The following SORCS2 variants were observed in gnomAD, a reference collection of about 807,000 sequenced individuals.
The protein encoded by SORCS2 is sortilin related VPS10 domain containing receptor 2, also known as VPS10 domain-containing receptor SorCS2.
In SORCS2, 100 loss-of-function variants were observed where a neutral mutation model predicts 141.6. The observed-to-expected ratio is 0.71, with a 90% CI of 0.60 to 0.83. SORCS2 has a LOEUF of 0.83. SORCS2 is among the 40% of genes least tolerant of loss of function. SORCS2 has a pLI of 0.00. For missense variants in SORCS2, 1,646 were observed against 1,560.2 expected, an observed-to-expected ratio of 1.05 and a Z score of -0.93; for synonymous variants, 789 against 676.9, an observed-to-expected ratio of 1.17 and a Z score of -2.57.
chr4:7,329,002 A>C (rs1347620595), intron 1 of SORCS2, among the ~76,000 whole-genome samples: 1 of 152,154 alleles, frequency 6.6e-6, no homozygotes, highest in Non-Finnish European at 1.5e-5. Context: ...TGGCCCCCCG[A>C]GGCCAGGCCC....
chr4:7,289,007 A>G (rs561167895), intron 1 of SORCS2, among the ~76,000 whole-genome samples: 1 of 151,636 alleles, frequency 6.6e-6, no homozygotes, highest in South Asian at 2.1e-4. Context: ...CCTGGGTCAC[A>G]GTCTTCTAGG....
intron 3 of SORCS2, among the ~76,000 whole-genome samples, chr4:7,534,184 A>G (rs918533806): frequency 6.6e-6 from 1 of 152,232 alleles, no homozygotes; most frequent in African/African-American, 2.4e-5. Flanking sequence ...TGAGTGAATG[A>G]ATGAGTGTCA....
intron 3 of SORCS2, among the ~76,000 whole-genome samples, chr4:7,585,162 C>G (rs1299210019): frequency 6.6e-6 from 1 of 152,174 alleles, no homozygotes; most frequent in Non-Finnish European, 1.5e-5. Flanking sequence ...CTCTCTGGGA[C>G]TTATTTTCTT....
intron 1 of SORCS2, among the ~76,000 whole-genome samples, chr4:7,289,321 G>T (rs906264560): frequency 6.6e-6 from 1 of 152,126 alleles, no homozygotes; most frequent in Admixed American, 6.5e-5. Context: ...CCTCCTCCAG[G>T]AAGCCTTCCT....
At chr4:7,635,392 A>G (rs531599152) in intron 3 of SORCS2, among the ~76,000 whole-genome samples, 3 of 152,298 alleles carry the variant, frequency 2.0e-5, no homozygotes, top group South Asian at 2.1e-4. Flanking sequence ...AAACTATTCT[A>G]TCAAAGTAAA....
intron 2 of SORCS2, among the ~76,000 whole-genome samples, chr4:7,461,936 G>C (rs978401393): frequency 7.5e-6 from 1 of 132,466 alleles, no homozygotes; most frequent in African/African-American, 2.9e-5. Flanking sequence ...TGTCCTGCAG[G>C]CTTCAGTGCC....
At chr4:7,222,753 A>G (rs10010661) in intron 1 of SORCS2, among the ~76,000 whole-genome samples, 124,874 of 152,008 alleles carry the variant, frequency 0.82, 51,512 homozygotes, top group African/African-American at 0.9. Flanking sequence ...GGGCAGGTGT[A>G]GGGAGGGCTG....
chr4:7,419,792 C>A (rs1452908128), intron 2 of SORCS2, among the ~76,000 whole-genome samples: 1 of 152,196 alleles, frequency 6.6e-6, no homozygotes, highest in African/African-American at 2.4e-5. Context: ...GAAGCCAGAT[C>A]TCTGGATCTA....
chr4:7,225,649 GAC>G (rs1266254452), intron 1 of SORCS2, among the ~76,000 whole-genome samples: 6 of 152,174 alleles, frequency 3.9e-5, no homozygotes, highest in African/African-American at 1.4e-4. Flanking sequence ...GTTGCTGCTA[GAC>G]TGGGCTGGAG....
At chr4:7,729,774 T>G (rs1156284893) in intron 23 of SORCS2, 62 bp downstream of exon 23, 10 of 1,565,726 alleles carry the variant, frequency 6.4e-6, no homozygotes, top group African/African-American at 1.4e-5. Context: ...TCGGGTCATT[T>G]ACAACAAGCA....
intron 3 of SORCS2, among the ~76,000 whole-genome samples, chr4:7,542,650 C>T (rs910551775): frequency 1.3e-5 from 2 of 152,252 alleles, no homozygotes; most frequent in Non-Finnish European, 2.9e-5. Context: ...TGAGAGGACA[C>T]ATTTCCACTG....
At chr4:7,381,831 C>A (rs759190258) in intron 1 of SORCS2, 1 of 890,010 alleles carries the variant, frequency 1.1e-6, no homozygotes, top group Non-Finnish European at 1.3e-6. Context: ...TGCCAGGAGC[C>A]AGGGCCAGAG....
In SORCS2 at chr4:7,330,849, C is replaced by T. The variant is rs553845589; in HGVS notation, c.481-65439C>T. ...CCTAGGCACACCCCCAACACCTCTCCCACCACGTGTGTTCCACAGACGTGG... is the reference window on the plus strand; with the variant it reads ...CCTAGGCACACCCCCAACACCTCTCTCACCACGTGTGTTCCACAGACGTGG... On this transcript the variant is annotated intron_variant, in intron 1 of 26. Transcript: ENST00000507866. Among the ~76,000 whole-genome samples, 3 of 152,178 alleles carry T rather than the reference C, an allele frequency of 2.0e-5. No individual in the cohort carries two copies. In the South Asian group the frequency reaches 6.2e-4, roughly 32 times the overall value.
intron 3 of SORCS2, among the ~76,000 whole-genome samples, chr4:7,596,085 C>A (rs1172054560): frequency 6.6e-6 from 1 of 152,240 alleles, no homozygotes; most frequent in Admixed American, 6.5e-5. Flanking sequence ...ACAAATTTGA[C>A]TCAGCATCCT....
intron 2 of SORCS2, among the ~76,000 whole-genome samples, chr4:7,418,537 A>T (rs1347305873): frequency 1.3e-5 from 2 of 152,234 alleles, no homozygotes; most frequent in African/African-American, 4.8e-5. Flanking sequence ...TGGGGGTCAC[A>T]GAGATCATTG....
chr4:7,524,158 G>T (rs1733515386), intron 2 of SORCS2, among the ~76,000 whole-genome samples: 1 of 152,168 alleles, frequency 6.6e-6, no homozygotes, highest in Non-Finnish European at 1.5e-5. Context: ...GACGCTATTG[G>T]GTCCAGGGCC....
rs182928561 is a variant in SORCS2 at position 7,554,890 on chromosome 4, A to G, written c.648+23261A>G. On this transcript the variant is annotated intron_variant, in intron 3 of 26. Transcript: ENST00000507866. ...ATATTGGAACACCTGCCTCCAGAACACTAGGGCAGAGTTCTCAGGAGAGCT... is the reference window on the plus strand; with the variant it reads ...ATATTGGAACACCTGCCTCCAGAACGCTAGGGCAGAGTTCTCAGGAGAGCT... 4.1e-3 allele frequency among the ~76,000 whole-genome samples: 631 copies of G among 152,294 alleles called. 4 individuals carry two copies. Among genetic ancestry groups the G allele is most frequent in the Non-Finnish European group, 4.4e-3 (296 of 68,016 alleles).
intron 2 of SORCS2, among the ~76,000 whole-genome samples, chr4:7,439,668 G>T (rs569336043): frequency 6.6e-6 from 1 of 152,110 alleles, no homozygotes; most frequent in Non-Finnish European, 1.5e-5. Flanking sequence ...GATGTCCTCC[G>T]TCCCTGCCTC....
chr4:7,406,612 T>A (rs547216937), intron 2 of SORCS2, among the ~76,000 whole-genome samples: 1 of 152,054 alleles, frequency 6.6e-6, no homozygotes, highest in South Asian at 2.1e-4. Context: ...TTATTTATTT[T>A]GAGTTTTCTC....
Sources: gnomAD v4.1 joint callset for allele counts (sites outside exome capture counted in the v4.1 genomes callset) on GRCh38, gnomAD v4.1.1 for gene constraint, MANE v1.5 for transcripts, NCBI Gene and HGNC (gene_info 2026-07-23, HGNC 2026-07-21) for gene names.